Variants in WDR19 observed in about 807,000 individuals in gnomAD.
The protein encoded by WDR19 is WD repeat-containing protein 19.
In WDR19, 121 loss-of-function variants were observed where a neutral mutation model predicts 180.0. The ratio of observed to expected loss-of-function variants is 0.67; its 90% CI spans 0.58 to 0.78. WDR19 has a LOEUF of 0.78. Among genes scored for constraint, WDR19 ranks in the 30% least tolerant of loss-of-function variants. The probability of loss-of-function intolerance (pLI) is 0.00; values close to 1 mark genes in which losing one functional copy is unlikely to be tolerated. For synonymous variants in WDR19, 497 were observed against 540.7 expected, an observed-to-expected ratio of 0.92 and a Z score of 1.12; for missense variants, 1,450 against 1,640.7, an observed-to-expected ratio of 0.88 and a Z score of 2.01.
chr4:39,228,420 A>G (rs748482124), intron 16 of WDR19, 63 bp downstream of exon 16: 369 of 1,602,458 alleles, frequency 2.3e-4, no homozygotes, highest in Non-Finnish European at 3.0e-4. Context: ...TAAAATTAAA[A>G]CATTCTTTCT....
chr4:39,185,600 C>G, intron 1 of WDR19, 126 bp from the exon 2 acceptor site: 1 of 870,198 alleles, frequency 1.1e-6, no homozygotes, highest in Non-Finnish European at 1.8e-6. Context: ...TAGATAAGCT[C>G]TAACATAATC....
intron 26 of WDR19, among the ~76,000 whole-genome samples, chr4:39,254,351 T>C (rs1017662712): frequency 1.3e-5 from 2 of 152,206 alleles, no homozygotes; most frequent in Non-Finnish European, 2.9e-5. Flanking sequence ...ATGAAGGTGA[T>C]AGGAAATGCA....
rs553397432 is a variant in WDR19 at position 39,278,248 on chromosome 4, C to T, written c.3917+41C>T. The T allele has an allele frequency of 1.9e-4, 289 of 1,505,172 alleles. 1 individual carries two copies. The highest frequency in any genetic ancestry group is 1.4e-3 in the Middle Eastern group (8 of 5,886). 93.2% of individuals were successfully genotyped at this position (1,505,172 alleles called of 1,614,324 possible). ...GTCACTCAGTCTCACTGATTTCTCC[C>T]GACACAGGCCTTTCATTCTACCTCT... is the stretch of plus-strand genomic sequence containing the variant. On this transcript the variant is annotated intron_variant, in intron 35 of 36. Transcript: ENST00000399820.
chr4:39,197,409 GA>G (rs1470176087), intron 5 of WDR19, among the ~76,000 whole-genome samples: 1 of 123,152 alleles, frequency 8.1e-6, no homozygotes, highest in East Asian at 2.2e-4. Context: ...CTGGGAAACA[GA>G]GCAAGACTCT....
At chr4:39,234,505 G>A (rs1191974838) in intron 19 of WDR19, among the ~76,000 whole-genome samples, 1 of 152,052 alleles carries the variant, frequency 6.6e-6, no homozygotes, top group African/African-American at 2.4e-5. Context: ...TGTTAGATAC[G>A]ACTGAGTTTT....
chr4:39,232,399 T>C, intron 19 of WDR19, 127 bp downstream of exon 19: 1 of 719,100 alleles, frequency 1.4e-6, no homozygotes, highest in Non-Finnish European at 2.3e-6. Context: ...CCAAGGTGGA[T>C]GGATCGCCTG....
rs545387511 is a variant in WDR19, at chr4:39,256,107, T to C, written c.3114+147T>C. On this transcript the variant is annotated intron_variant, in intron 27 of 36. Transcript: ENST00000399820. ...AAATCTCAGAGCTAACTCTGAAATATTCCTCTCCCTCCCACACCCAGTCAC... is the reference window on the plus strand; with the variant it reads ...AAATCTCAGAGCTAACTCTGAAATACTCCTCTCCCTCCCACACCCAGTCAC... 1,039 of 511,258 alleles carry C rather than the reference T, an allele frequency of 2.0e-3. 3 individuals carry two copies. Among genetic ancestry groups the C allele is most frequent in the Non-Finnish European group, 3.2e-3 (920 of 289,604 alleles). 31.7% of individuals were successfully genotyped at this position (511,258 alleles called of 1,614,324 possible).
intron 24 of WDR19, among the ~76,000 whole-genome samples, chr4:39,246,632 G>A (rs556638548): frequency 2.6e-5 from 4 of 152,314 alleles, no homozygotes; most frequent in Admixed American, 6.5e-5. Flanking sequence ...GACGGCACCC[G>A]TAAAATCGGG....
chr4:39,245,422 A>G lies in WDR19; in HGVS notation c.2699A>G (p.Gln900Arg), dbSNP rs956177833. 2 of 1,613,704 alleles carry G rather than the reference A, an allele frequency of 1.2e-6. No homozygotes were observed. The highest frequency in any genetic ancestry group is 1.3e-5 in the African/African-American group (1 of 74,938). Reference protein sequence around the residue: ...PHVSSPKIHLQYAKAKEADGR... With the variant: ...PHVSSPKIHLRYAKAKEADGR... ...GTTTCTTCTCCTAAGATCCATTTGC[A>G]GTATGCCAAAGCCAAGGAAGCAGAT... Residue 900 changes from glutamine to arginine, a missense_variant, in exon 24 of 37, where the codon CAG becomes CGG. Gln to Arg is a conservative substitution (Grantham distance 43, BLOSUM62 1). Transcript: ENST00000399820.
intron 24 of WDR19, among the ~76,000 whole-genome samples, chr4:39,246,527 A>G (rs1328429135): frequency 6.6e-6 from 1 of 152,202 alleles, no homozygotes; most frequent in Non-Finnish European, 1.5e-5. Context: ...GGTGCAGCGC[A>G]CCGTGTGTAA....
chr4:39,205,572 T>C lies in WDR19; in HGVS notation c.726T>C (p.Asp242=). The change falls in exon 9 of 37, where the codon GAT becomes GAC. Residue 242 remains aspartate (D), a synonymous_variant. Transcript: ENST00000399820. ...GCCTTCTTTGCTATAGGTATGGTGA[T>C]GGCCGCATCATGATTGGTTTTTCAT... is the stretch of plus-strand genomic sequence containing the variant. ...GNIVCYNWYG[D]GRIMIGFSCG... 6.2e-7 allele frequency: 1 copy of C among 1,613,356 alleles called. No individual in the cohort carries two copies. The highest frequency in any genetic ancestry group is 8.5e-7 in the Non-Finnish European group (1 of 1,179,598).
intron 30 of WDR19, 39 bp from the exon 31 acceptor site, chr4:39,269,937 A>T: frequency 1.2e-6 from 2 of 1,609,170 alleles, no homozygotes; most frequent in Non-Finnish European, 1.7e-6. Flanking sequence ...CTCAGATGTC[A>T]CCCTTTGCAG....
intron 1 of WDR19, among the ~76,000 whole-genome samples, chr4:39,183,092 A>C (rs13116473): frequency 6.6e-6 from 1 of 151,988 alleles, no homozygotes; most frequent in Non-Finnish European, 1.5e-5. Context: ...GCGAGTGTAC[A>C]TTATTGACGG....
At chr4:39,277,268 T>C in intron 34 of WDR19, 125 bp downstream of exon 34, 1 of 1,088,094 alleles carries the variant, frequency 9.2e-7, no homozygotes, top group Non-Finnish European at 1.3e-6. Flanking sequence ...TCCTGCAACA[T>C]CTAGCATTTT....
intron 15 of WDR19, among the ~76,000 whole-genome samples, chr4:39,227,625 A>T (rs1730412722): frequency 6.6e-6 from 1 of 152,190 alleles, no homozygotes; most frequent in South Asian, 2.1e-4. Flanking sequence ...TAGTTTATAC[A>T]CATATTACAC....
chr4:39,188,822 C>T (rs931882132), intron 3 of WDR19, among the ~76,000 whole-genome samples: 1 of 152,082 alleles, frequency 6.6e-6, no homozygotes, highest in African/African-American at 2.4e-5. Flanking sequence ...ACAAACATGG[C>T]TCACTGCAGC....
At chr4:39,217,278 T>TA in intron 13 of WDR19, 38 bp downstream of exon 13, 1 of 1,434,520 alleles carries the variant, frequency 7.0e-7, no homozygotes, top group Non-Finnish European at 9.6e-7. Context: ...CGCGCTAAGT[T>TA]ATAATGAACA....
At position 39,232,237 on chromosome 4, in the gene WDR19, T is replaced by C. The variant is rs886059399; in HGVS notation, c.2218T>C (p.Tyr740His). Reference protein sequence around the residue: ...TNDYNLAQDLYLASSCPIAAL... With the variant: ...TNDYNLAQDLHLASSCPIAAL... Reference sequence around the variant, plus strand: ...CGATTATAACCTGGCTCAGGACTTGTACCTTGCATCCAGCTGTCCTATTGC... The same window carrying C: ...CGATTATAACCTGGCTCAGGACTTGCACCTTGCATCCAGCTGTCCTATTGC... The change falls in exon 19 of 37, where the codon TAC becomes CAC. Residue 740 changes from tyrosine to histidine, a missense_variant. Physicochemically the swap from Tyr to His is moderately conservative, Grantham distance 83. Transcript: ENST00000399820. 3 of 1,612,368 alleles carry C rather than the reference T, an allele frequency of 1.9e-6. No homozygotes were observed. Among genetic ancestry groups the C allele is most frequent in the East Asian group, 2.2e-5 (1 of 44,872 alleles).
In WDR19 at chr4:39,234,819, G is replaced by A; in HGVS notation, c.2307G>A (p.Leu769=). ...WDSALQLAKH[L]APDQIPFISK... ...GTGCTCTACAACTGGCAAAGCATTT[G>A]GCCCCAGACCAGATACCTTTTATAT... Residue 769 remains leucine (L), a synonymous_variant, in exon 20 of 37, where the codon TTG becomes TTA. Transcript: ENST00000399820. 1 of 1,584,742 alleles carries A rather than the reference G, an allele frequency of 6.3e-7. No homozygotes were observed. The highest frequency in any genetic ancestry group is 8.6e-7 in the Non-Finnish European group (1 of 1,164,376).
Sources: gnomAD v4.1 joint callset for allele counts (sites outside exome capture counted in the v4.1 genomes callset) on GRCh38, gnomAD v4.1.1 for gene constraint, MANE v1.5 for transcripts, NCBI Gene and HGNC (gene_info 2026-07-23, HGNC 2026-07-21) for gene names.